The following MAGI2 variants were observed in gnomAD, a reference collection of about 807,000 sequenced individuals.
MAGI2 encodes the protein membrane associated guanylate kinase, WW and PDZ domain containing 2, also known as membrane-associated guanylate kinase, WW and PDZ domain-containing protein 2.
MAGI2 carries 35 observed loss-of-function variants against 133.3 expected under a neutral mutation model. That is an observed-to-expected ratio of 0.26 (90% CI 0.20 to 0.35). MAGI2 has a LOEUF of 0.35. MAGI2 is among the 10% of genes least tolerant of loss of function. The pLI is 1.00. For missense variants in MAGI2, 1,636 were observed against 1,863.4 expected (o/e 0.88, Z 2.25); for synonymous variants, 729 against 710.6 (o/e 1.03, Z -0.41).
intron 2 of MAGI2, among the ~76,000 whole-genome samples, chr7:78,681,980 T>C (rs1305466377): frequency 1.4e-5 from 2 of 145,710 alleles, no homozygotes; most frequent in Non-Finnish European, 3.0e-5. Context: ...AAAAATGCAA[T>C]GACCAAGTAA....
chr7:78,934,834 T>G (rs1458514886), intron 2 of MAGI2, among the ~76,000 whole-genome samples: 9 of 152,154 alleles, frequency 5.9e-5, no homozygotes, highest in Admixed American at 5.9e-4. Context: ...TGTTTCAGTA[T>G]TTGTCTAGAC....
At chr7:78,715,335 G>T (rs1819598075) in intron 2 of MAGI2, among the ~76,000 whole-genome samples, 1 of 152,220 alleles carries the variant, frequency 6.6e-6, no homozygotes, top group African/African-American at 2.4e-5. Context: ...AAGAATATTT[G>T]CTTCTTACTG....
intron 2 of MAGI2, among the ~76,000 whole-genome samples, chr7:78,817,157 G>A (rs1789654434): frequency 6.6e-6 from 1 of 152,114 alleles, no homozygotes; most frequent in Non-Finnish European, 1.5e-5. Context: ...TATCAAGCAA[G>A]GTACAATTAG....
At chr7:78,198,067 T>C (rs1386231004) in intron 11 of MAGI2, among the ~76,000 whole-genome samples, 3 of 152,200 alleles carry the variant, frequency 2.0e-5, no homozygotes, top group Non-Finnish European at 2.9e-5. Context: ...CCTGTCGCCT[T>C]ACTGAGGTCG....
At chr7:78,502,184 G>A (rs1794685883) in intron 4 of MAGI2, among the ~76,000 whole-genome samples, 1 of 152,074 alleles carries the variant, frequency 6.6e-6, no homozygotes, top group Admixed American at 6.5e-5. Flanking sequence ...GATTATCTTT[G>A]ATTATCCAGA....
intron 2 of MAGI2, among the ~76,000 whole-genome samples, chr7:78,905,927 T>C (rs1797964161): frequency 6.6e-6 from 1 of 152,162 alleles, no homozygotes; most frequent in South Asian, 2.1e-4. Flanking sequence ...GAAAAGTTTG[T>C]CTTACCCACA....
intron 10 of MAGI2, among the ~76,000 whole-genome samples, chr7:78,206,290 C>CTTT (rs774941321): frequency 4.5e-5 from 5 of 111,246 alleles, no homozygotes; most frequent in Non-Finnish European, 7.7e-5. Flanking sequence ...TTTCCTTTTC[C>CTTT]TTTCTTTTTT....
chr7:78,878,457 CCTGTATGTGG>C (rs1209996871), intron 2 of MAGI2, among the ~76,000 whole-genome samples: 1 of 152,084 alleles, frequency 6.6e-6, no homozygotes, highest in Admixed American at 6.5e-5. Context: ...TAATTAGTTT[CCTGTATGTGG>C]AATGTAAAAA....
At chr7:78,752,064 T>C (rs915684634) in intron 2 of MAGI2, among the ~76,000 whole-genome samples, 6 of 152,172 alleles carry the variant, frequency 3.9e-5, no homozygotes, top group Non-Finnish European at 8.8e-5. Flanking sequence ...AATTTGGGCT[T>C]GTGTTATGTT....
At chr7:78,110,447 C>T (rs1819241936) in intron 20 of MAGI2, among the ~76,000 whole-genome samples, 1 of 152,132 alleles carries the variant, frequency 6.6e-6, no homozygotes, top group Non-Finnish European at 1.5e-5. Flanking sequence ...AATGAATGCG[C>T]TGAACATCCA....
chr7:78,604,387 A>G (rs1805570553), intron 3 of MAGI2, among the ~76,000 whole-genome samples: 1 of 152,004 alleles, frequency 6.6e-6, no homozygotes, highest in Non-Finnish European at 1.5e-5. Context: ...TGGTTTTGAA[A>G]CTCATCTGAA....
chr7:78,815,787 A>G (rs1042425573), intron 2 of MAGI2, among the ~76,000 whole-genome samples: 8 of 152,198 alleles, frequency 5.3e-5, no homozygotes, highest in African/African-American at 1.4e-4. Context: ...TCCACCAAAT[A>G]GCTGTTCTGT....
At chr7:78,734,064 G>T (rs958679138) in intron 2 of MAGI2, among the ~76,000 whole-genome samples, 1 of 152,102 alleles carries the variant, frequency 6.6e-6, no homozygotes, top group Admixed American at 6.6e-5. Flanking sequence ...TATCATCTAA[G>T]AACGACAATA....
intron 2 of MAGI2, among the ~76,000 whole-genome samples, chr7:78,776,565 C>T (rs1287291424): frequency 6.6e-6 from 1 of 151,840 alleles, no homozygotes; most frequent in African/African-American, 2.4e-5. Flanking sequence ...GTCTTTTTTC[C>T]AATTAATTAT....
intron 1 of MAGI2, among the ~76,000 whole-genome samples, chr7:79,087,419 A>G (rs967228729): frequency 1.1e-4 from 16 of 151,958 alleles, no homozygotes; most frequent in African/African-American, 3.4e-4. Flanking sequence ...ATTAACATAG[A>G]TTCAGTGTTA....
chr7:79,007,260 G>T, intron 1 of MAGI2, 54 bp from the exon 2 acceptor site: 1 of 1,027,180 alleles, frequency 9.7e-7, no homozygotes, highest in Non-Finnish European at 1.5e-6. Context: ...TTTTAAGCAT[G>T]TAATTTGATT....
intron 1 of MAGI2, among the ~76,000 whole-genome samples, chr7:79,371,518 T>C (rs1843048593): frequency 6.6e-6 from 1 of 152,136 alleles, no homozygotes; most frequent in African/African-American, 2.4e-5. Flanking sequence ...TGTTTATACA[T>C]ACATCTATTT....
intron 20 of MAGI2, 151 bp downstream of exon 20, chr7:78,125,543 G>T (rs1820895425): frequency 6.2e-6 from 4 of 642,928 alleles, no homozygotes; most frequent in East Asian, 2.8e-5. Flanking sequence ...ATAGCAAGTG[G>T]CCAGACTTTT....
chr7:78,222,124 G>A (rs1362103309), intron 10 of MAGI2, among the ~76,000 whole-genome samples: 1 of 151,964 alleles, frequency 6.6e-6, no homozygotes, highest in East Asian at 1.9e-4. Flanking sequence ...GGTTTATGCT[G>A]GGTTTAATAT....
Sources: gnomAD v4.1 joint callset for allele counts (sites outside exome capture counted in the v4.1 genomes callset) on GRCh38, gnomAD v4.1.1 for gene constraint, MANE v1.5 for transcripts, NCBI Gene and HGNC (gene_info 2026-07-23, HGNC 2026-07-21) for gene names.